Variants in PTPRT observed in about 807,000 individuals in gnomAD.
PTPRT encodes the protein receptor-type tyrosine-protein phosphatase T.
Under a neutral mutation model 176.8 loss-of-function variants are expected in PTPRT, and 56 were observed. The ratio of observed to expected loss-of-function variants is 0.32; its 90% CI spans 0.26 to 0.40. The LOEUF (loss-of-function observed/expected upper bound fraction) is 0.40, where lower values mean the gene tolerates loss of function less well. PTPRT is among the 10% of genes least tolerant of loss of function. The pLI, the probability that PTPRT is intolerant of heterozygous loss-of-function variation, is 1.00. For missense variants in PTPRT, 1,540 were observed against 1,908.2 expected (o/e 0.81, Z 3.60); for synonymous variants, 783 against 739.0 (o/e 1.06, Z -0.96).
intron 7 of PTPRT, among the ~76,000 whole-genome samples, chr20:42,654,745 T>C (rs981172420): frequency 1.3e-5 from 2 of 152,112 alleles, no homozygotes; most frequent in Non-Finnish European, 2.9e-5. Flanking sequence ...AGATAAGGAA[T>C]TAGCCCAGAG....
intron 1 of PTPRT, among the ~76,000 whole-genome samples, chr20:43,114,942 G>A (rs1375072035): frequency 6.6e-6 from 1 of 152,114 alleles, no homozygotes; most frequent in Non-Finnish European, 1.5e-5. Flanking sequence ...AAAAAGAGCT[G>A]TAGTTATAAA....
chr20:43,083,360 A>ATATATATATATG (rs1568774282), intron 1 of PTPRT, among the ~76,000 whole-genome samples: 2 of 127,392 alleles, frequency 1.6e-5, no homozygotes, highest in African/African-American at 3.3e-5. Flanking sequence ...ATATATATAT[A>ATATATATATATG]TATATATATA....
chr20:42,539,168 G>A (rs879366204), intron 7 of PTPRT, among the ~76,000 whole-genome samples: 9 of 152,120 alleles, frequency 5.9e-5, no homozygotes, highest in African/African-American at 1.7e-4. Context: ...CTCAGTAGTT[G>A]CTGAATAGTT....
At chr20:42,406,453 A>G (rs924759841) in intron 9 of PTPRT, among the ~76,000 whole-genome samples, 1 of 152,090 alleles carries the variant, frequency 6.6e-6, no homozygotes, top group African/African-American at 2.4e-5. Context: ...AATAAAATGA[A>G]ATTCAACCGA....
At chr20:42,427,855 A>G (rs989896262) in intron 9 of PTPRT, among the ~76,000 whole-genome samples, 61 of 152,104 alleles carry the variant, frequency 4.0e-4, no homozygotes, top group Admixed American at 3.9e-3. Context: ...ACCCTTAAGA[A>G]GGTTCTTTGT....
chr20:42,843,506 T>C (rs1462276738), intron 2 of PTPRT, among the ~76,000 whole-genome samples: 1 of 152,208 alleles, frequency 6.6e-6, no homozygotes, highest in Non-Finnish European at 1.5e-5. Context: ...ATGTGGCAGA[T>C]GGTAGCATCT....
chr20:42,098,308 C>T (rs187796448), intron 27 of PTPRT, 113 bp downstream of exon 27: 2 of 1,454,864 alleles, frequency 1.4e-6, no homozygotes, highest in African/African-American at 2.8e-5. Context: ...CTGCTTATTA[C>T]AAGACAGCTG....
At chr20:43,174,486 A>G (rs1372696513) in intron 1 of PTPRT, among the ~76,000 whole-genome samples, 1 of 152,232 alleles carries the variant, frequency 6.6e-6, no homozygotes, top group East Asian at 1.9e-4. Context: ...TAGATCCTTC[A>G]TATTCAGCAG....
At chr20:42,098,627 T>C in intron 26 of PTPRT, 75 bp from the exon 27 acceptor site, 1 of 1,573,754 alleles carries the variant, frequency 6.4e-7, no homozygotes, top group Non-Finnish European at 8.6e-7. Flanking sequence ...AGGCCTGGAC[T>C]GAGGCCAGAG....
At chr20:42,045,471 A>G in the PTPRT span, among the ~76,000 whole-genome samples, 1 of 150,928 alleles carries the variant, frequency 6.6e-6, no homozygotes, top group Admixed American at 6.6e-5. Context: ...TAGACAAAAT[A>G]AATCAATTGA....
At chr20:42,443,569 G>A (rs1216556037) in intron 9 of PTPRT, among the ~76,000 whole-genome samples, 1 of 152,298 alleles carries the variant, frequency 6.6e-6, no homozygotes. Context: ...AGATGAGGCC[G>A]GAACCAGTGG....
intron 9 of PTPRT, among the ~76,000 whole-genome samples, chr20:42,378,274 T>A (rs1389179999): frequency 6.6e-6 from 1 of 151,858 alleles, no homozygotes; most frequent in African/African-American, 2.4e-5. Flanking sequence ...ATATTAGGAG[T>A]CTTTGATTCT....
intron 1 of PTPRT, among the ~76,000 whole-genome samples, chr20:42,924,708 T>G (rs1186378895): frequency 6.6e-6 from 1 of 152,184 alleles, no homozygotes; most frequent in African/African-American, 2.4e-5. Context: ...GCTGTTAACC[T>G]CACTTTTCAG....
chr20:42,451,147 T>C (rs2070820596), intron 8 of PTPRT, among the ~76,000 whole-genome samples: 1 of 152,072 alleles, frequency 6.6e-6, no homozygotes, highest in Non-Finnish European at 1.5e-5. Context: ...ACTGGAATGA[T>C]GGTAGTGTAG....
intron 8 of PTPRT, 138 bp downstream of exon 8, chr20:42,472,128 T>C (rs764237576): frequency 8.2e-5 from 79 of 967,436 alleles, no homozygotes; most frequent in Middle Eastern, 6.5e-4. Flanking sequence ...TAGTCCTTCA[T>C]TGAAGGCCTA....
intron 27 of PTPRT, among the ~76,000 whole-genome samples, chr20:42,086,360 A>G (rs552590816): frequency 8.0e-4 from 122 of 152,298 alleles, no homozygotes; most frequent in South Asian, 6.0e-3. Flanking sequence ...GTGTTGAAAT[A>G]TCAAGGCTTT....
intron 26 of PTPRT, among the ~76,000 whole-genome samples, chr20:42,100,171 A>AGTTT (rs1409317171): frequency 6.6e-6 from 1 of 152,194 alleles, no homozygotes; most frequent in African/African-American, 2.4e-5. Flanking sequence ...AGTGAATGTT[A>AGTTT]GTTTTCTTTT....
At chr20:42,749,659 T>C (rs974708492) in intron 6 of PTPRT, among the ~76,000 whole-genome samples, 7 of 152,214 alleles carry the variant, frequency 4.6e-5, no homozygotes, top group Non-Finnish European at 7.3e-5. Context: ...GGAGGTAGTG[T>C]GGCAGGTGGC....
intron 7 of PTPRT, among the ~76,000 whole-genome samples, chr20:42,609,847 A>T (rs965119452): frequency 1.3e-5 from 2 of 152,220 alleles, no homozygotes; most frequent in Non-Finnish European, 2.9e-5. Flanking sequence ...TCAGAACAGG[A>T]TGAATGTGCA....
Sources: allele counts gnomAD v4.1 joint callset (sites outside exome capture counted in the v4.1 genomes callset), GRCh38; gene constraint gnomAD v4.1.1; transcripts MANE v1.5; gene names NCBI Gene and HGNC (gene_info 2026-07-23, HGNC 2026-07-21).